Variants in BPGM observed in about 807,000 individuals in gnomAD.
BPGM encodes the protein bisphosphoglycerate mutase, also known as 2,3-bisphosphoglycerate mutase, erythrocyte.
BPGM carries 15 observed loss-of-function variants against 21.6 expected under a neutral mutation model. That is an observed-to-expected ratio of 0.70 (90% CI 0.47 to 1.07). The LOEUF (loss-of-function observed/expected upper bound fraction) is 1.07. BPGM is among the 50% of genes least tolerant of loss of function. The pLI is 0.00. For missense variants in BPGM, 273 were observed against 319.0 expected (o/e 0.86, Z 1.10); for synonymous variants, 113 against 116.2 (o/e 0.97, Z 0.18).
At chr7:134,655,906 T>C (rs975015035) in intron 1 of BPGM, among the ~76,000 whole-genome samples, 1 of 152,184 alleles carries the variant, frequency 6.6e-6, no homozygotes, top group Non-Finnish European at 1.5e-5. Flanking sequence ...CACATAGCCA[T>C]TGAACAGGTA....
chr7:134,661,529 A>G lies in BPGM; in HGVS notation c.22A>G (p.Met8Val). The G allele has an allele frequency of 6.2e-7, 1 of 1,614,150 alleles. No individual in the cohort carries two copies. The highest frequency in any genetic ancestry group is 1.1e-5 in the South Asian group (1 of 91,086). The part of the protein sequence containing the change: MSKYKLI[M>V]LRHGEGAWNK... ...CAGTATGTCCAAGTACAAACTTATT[A>G]TGTTAAGACATGGAGAGGGTGCTTG... The change falls in exon 2 of 3, where the codon ATG becomes GTG. Residue 8 changes from methionine to valine, a missense_variant. Met to Val is a conservative substitution (Grantham distance 21). Transcript: ENST00000344924. This position sits in a 1 kb window ranked among gnomAD's most constrained non-coding sequence, Gnocchi z 4.6.
chr7:134,657,773 T>A (rs1479765532), intron 1 of BPGM, among the ~76,000 whole-genome samples: 2 of 151,932 alleles, frequency 1.3e-5, no homozygotes, highest in Non-Finnish European at 2.9e-5. Flanking sequence ...CAGCAAATGG[T>A]TTGGTGAGGG....
At chr7:134,662,875 A>G (rs1171715069) in intron 2 of BPGM, among the ~76,000 whole-genome samples, 2 of 152,250 alleles carry the variant, frequency 1.3e-5, no homozygotes, top group African/African-American at 4.8e-5. Context: ...TTTAAGTAAC[A>G]TGAACCAAAT....
At chr7:134,652,351 A>G (rs1246349070) in intron 1 of BPGM, among the ~76,000 whole-genome samples, 8 of 152,170 alleles carry the variant, frequency 5.3e-5, no homozygotes, top group Admixed American at 3.9e-4. Flanking sequence ...TAAATTATGG[A>G]TGCATAATAG....
At chr7:134,658,265 A>G (rs557813467) in intron 1 of BPGM, 19 of 152,086 alleles carry the variant, frequency 1.2e-4, no homozygotes, top group African/African-American at 4.6e-4. Context: ...TATTTACTCA[A>G]AGTTTCTCTG....
intron 2 of BPGM, among the ~76,000 whole-genome samples, chr7:134,673,458 G>A (rs1795938238): frequency 6.6e-6 from 1 of 152,194 alleles, no homozygotes; most frequent in South Asian, 2.1e-4. Flanking sequence ...AAACTTGAGA[G>A]TGCTGCTATT....
At chr7:134,677,347 A>G (rs896558165) in intron 2 of BPGM, among the ~76,000 whole-genome samples, 1 of 152,166 alleles carries the variant, frequency 6.6e-6, no homozygotes, top group Non-Finnish European at 1.5e-5. Context: ...GGGTACTGGC[A>G]GGGCAGGTGA....
At chr7:134,674,315 T>C (rs913193762) in intron 2 of BPGM, among the ~76,000 whole-genome samples, 4 of 152,208 alleles carry the variant, frequency 2.6e-5, no homozygotes, top group Non-Finnish European at 5.9e-5. Context: ...ATTCACAAAA[T>C]TGTAAATCCA....
chr7:134,662,069 C>T lies in BPGM; in HGVS notation c.562C>T (p.His188Tyr), dbSNP rs1795745439. ...TGGCAAAACCATTCTGATATCTGCT[C>T]ATGGAAATAGCAGTAGGGCACTCCT... ...LRGKTILISAHGNSSRALLKH... is the reference protein window; with the variant it reads ...LRGKTILISAYGNSSRALLKH... The change falls in exon 2 of 3, where the codon CAT becomes TAT. Residue 188 changes from histidine (H) to tyrosine (Y), a missense_variant. Transcript: ENST00000344924. The T allele has an allele frequency of 6.2e-7, 1 of 1,613,990 alleles. No individual in the cohort carries two copies. Among genetic ancestry groups the T allele is most frequent in the African/African-American group, 1.3e-5 (1 of 74,920 alleles).
Position 134,678,875 on chromosome 7 carries a change from C to T in BPGM, c.624C>T (p.Ile208=), listed in dbSNP as rs1484801554. 3 of 1,613,918 alleles carry T rather than the reference C, an allele frequency of 1.9e-6. No homozygotes were observed. The highest frequency in any genetic ancestry group is 2.5e-6 in the Non-Finnish European group (3 of 1,179,914). ...HLEGISDEDI[I]NITLPTGVPI... ...CAGGTATCTCAGATGAAGACATCAT[C>T]AACATTACTCTTCCTACTGGAGTCC... The change falls in exon 3 of 3, where the codon ATC becomes ATT. Residue 208 remains isoleucine (I), a synonymous_variant. Transcript: ENST00000344924.
chr7:134,649,814 T>C (rs1167817350), intron 1 of BPGM, among the ~76,000 whole-genome samples: 1 of 152,238 alleles, frequency 6.6e-6, no homozygotes, highest in African/African-American at 2.4e-5. Flanking sequence ...CCACCTAATT[T>C]AAGCATTTCT....
At chr7:134,648,139 T>TG (rs533187804) in intron 1 of BPGM, among the ~76,000 whole-genome samples, 17 of 148,826 alleles carry the variant, frequency 1.1e-4, no homozygotes, top group East Asian at 5.9e-4. Flanking sequence ...TTGGTTTTTT[T>TG]TTTGTTTTGT....
rs1795730031 is a variant in BPGM at position 134,661,521 on chromosome 7, A to T, written c.14A>T (p.Lys5Ile). The change falls in exon 2 of 3, where the codon AAA (lysine) becomes ATA (isoleucine). Residue 5 changes from lysine (K) to isoleucine (I), a missense_variant. Lys to Ile is a moderately radical substitution (Grantham distance 102). Transcript: ENST00000344924. The surrounding 1 kb of genome is among the most constrained non-coding windows in gnomAD (Gnocchi z 4.6). MSKYKLIMLRHGEGA... is the reference protein window; with the variant it reads MSKYILIMLRHGEGA... ...TCAGCCATCAGTATGTCCAAGTACA[A>T]ACTTATTATGTTAAGACATGGAGAG... is the stretch of plus-strand genomic sequence containing the variant. 1.2e-6 allele frequency: 2 copies of T among 1,614,152 alleles called. No homozygotes were observed. Among genetic ancestry groups the T allele is most frequent in the East Asian group, 4.5e-5 (2 of 44,890 alleles).
At chr7:134,648,404 G>A (rs1289994180) in intron 1 of BPGM, among the ~76,000 whole-genome samples, 1 of 152,098 alleles carries the variant, frequency 6.6e-6, no homozygotes, top group Non-Finnish European at 1.5e-5. Flanking sequence ...CAAAGTGCTG[G>A]GATTACAGGT....
At chr7:134,672,734 T>A (rs932368280) in intron 2 of BPGM, among the ~76,000 whole-genome samples, 18 of 152,104 alleles carry the variant, frequency 1.2e-4, no homozygotes, top group African/African-American at 4.1e-4. Context: ...ATAGGACTAA[T>A]TCAGTTTGGT....
In BPGM at chr7:134,661,776, G is replaced by A. The variant is rs781222092; in HGVS notation, c.269G>A (p.Arg90His). 16 of 1,614,010 alleles carry A rather than the reference G, an allele frequency of 9.9e-6. No individual in the cohort carries two copies. The highest frequency in any genetic ancestry group is 2.2e-5 in the East Asian group (1 of 44,890). ...PVESSWRLNE[R>H]HYGALIGLNR... ...GAAAGCTCCTGGCGTCTAAATGAGC[G>A]TCACTATGGGGCCTTGATCGGTCTC... Residue 90 changes from arginine to histidine, a missense_variant, in exon 2 of 3, where the codon CGT becomes CAT. Arg to His is a conservative substitution (Grantham distance 29, BLOSUM62 0). Transcript: ENST00000344924. The surrounding 1 kb of genome is among the most constrained non-coding windows in gnomAD (Gnocchi z 4.6).
At chr7:134,674,156 A>G (rs920896233) in intron 2 of BPGM, among the ~76,000 whole-genome samples, 1 of 151,860 alleles carries the variant, frequency 6.6e-6, no homozygotes, top group African/African-American at 2.4e-5. Flanking sequence ...CAAGTGATCC[A>G]CCCACCTCAG....
chr7:134,663,090 A>G (rs1042552010), intron 2 of BPGM, among the ~76,000 whole-genome samples: 1 of 152,226 alleles, frequency 6.6e-6, no homozygotes, highest in African/African-American at 2.4e-5. Context: ...GGTAATAAAT[A>G]GAAGAAATTT....
At chr7:134,676,668 G>A (rs1795987098) in intron 2 of BPGM, among the ~76,000 whole-genome samples, 2 of 152,164 alleles carry the variant, frequency 1.3e-5, no homozygotes. Flanking sequence ...TAGTTCATTG[G>A]AGGTAAAATC....
Sources: allele counts gnomAD v4.1 joint callset (sites outside exome capture counted in the v4.1 genomes callset), GRCh38; gene constraint gnomAD v4.1.1; non-coding constraint Gnocchi (gnomAD v3.1); transcripts MANE v1.5; gene names NCBI Gene and HGNC (gene_info 2026-07-23, HGNC 2026-07-21).